FGD4: variants seen among roughly 807,000 people sequenced by gnomAD.
The protein encoded by FGD4 is FYVE, RhoGEF and PH domain containing 4, also known as FYVE, RhoGEF and PH domain-containing protein 4.
A neutral mutation model predicts 102.0 loss-of-function variants in FGD4; 42 were observed. The observed-to-expected ratio is 0.41, with a 90% CI of 0.32 to 0.53. The LOEUF is 0.53. FGD4 is among the 20% of genes least tolerant of loss of function. The pLI is 0.21. For missense variants in FGD4, 902 were observed against 1,078.2 expected (o/e 0.84, Z 2.29); for synonymous variants, 380 against 375.7 (o/e 1.01, Z -0.13).
Position 32,633,647 on chromosome 12 carries a change from A to T in FGD4, c.2271A>T (p.Gly757=). ...VCKDCYQIIS[G]FTDSEEKKRK... is the part of the protein sequence containing the mutation. ...AAGACTGTTATCAAATCATAAGTGG[A>T]TTCACAGACAGTGAAGAAAAGAAAA... is the stretch of plus-strand genomic sequence containing the variant. Residue 757 remains glycine, a synonymous_variant, in exon 15 of 17, where the codon GGA becomes GGT. Coordinates refer to ENST00000534526, the MANE Select transcript of FGD4 (RefSeq NM_001370298.3). 1.2e-6 allele frequency: 2 copies of T among 1,609,194 alleles called. No homozygotes were observed. Among genetic ancestry groups the T allele is most frequent in the East Asian group, 4.5e-5 (2 of 44,810 alleles).
chr12:32,624,553 A>ACT, intron 12 of FGD4, 101 bp downstream of exon 12: 2 of 1,002,336 alleles, frequency 2.0e-6, no homozygotes, highest in Non-Finnish European at 3.0e-6. Flanking sequence ...GTCTCACTGC[A>ACT]GCCTCTGTCT....
chr12:32,444,891 G>A (rs1942566882), intron 1 of FGD4, among the ~76,000 whole-genome samples: 1 of 152,280 alleles, frequency 6.6e-6, no homozygotes, highest in Non-Finnish European at 1.5e-5. Context: ...ACCAAATTGT[G>A]TAATGAATAT....
At chr12:32,498,964 G>A (rs1057097226) in intron 1 of FGD4, among the ~76,000 whole-genome samples, 2 of 152,158 alleles carry the variant, frequency 1.3e-5, no homozygotes, top group African/African-American at 2.4e-5. Flanking sequence ...CTCCTGCCCC[G>A]GGGCACTGTG....
chr12:32,409,265 T>C (rs1591843415), intron 1 of FGD4, among the ~76,000 whole-genome samples: 1 of 150,562 alleles, frequency 6.6e-6, no homozygotes, highest in African/African-American at 2.4e-5. Flanking sequence ...AACTCTTTCC[T>C]CCCCCCAGTA....
rs550710652 is a variant in FGD4 at position 32,469,666 on chromosome 12, G to GT, written c.166+69717dup. ...TAAACCAATTTTCTTTTTCTTCTTT[G>GT]TTTTTTTTTTGAGACGGAGTTTTGC... On this transcript the variant is annotated intron_variant, in intron 1 of 16. Coordinates refer to ENST00000534526, the MANE Select transcript of FGD4 (RefSeq NM_001370298.3). 1.9e-3 allele frequency among the ~76,000 whole-genome samples: 275 copies of GT among 141,144 alleles called. 3 individuals are homozygous for GT. The highest frequency in any genetic ancestry group is 4.6e-3 in the African/African-American group (178 of 38,340). The allele number at this position is 141,144 out of a possible 152,430, so 92.6% of individuals were successfully genotyped here. A position where few individuals can be genotyped will look rare whatever the true frequency, so the allele number is the denominator to read the frequency against.
In FGD4 at chr12:32,528,137, A is replaced by G. The variant is rs546800147; in HGVS notation, c.167-36000A>G. Among the ~76,000 whole-genome samples the G allele has an allele frequency of 7.8e-4, 119 of 152,018 alleles. 2 individuals carry two copies. Among genetic ancestry groups the G allele is most frequent in the African/African-American group, 2.6e-3 (109 of 41,488 alleles). ...TATTTTTAGTAGAGAGGGTTTCACC[A>G]TGTTGTCCAGCCTGGTCTCAAACTC... is the stretch of plus-strand genomic sequence containing the variant. On this transcript the variant is annotated intron_variant, in intron 1 of 16. Transcript: ENST00000534526.
intron 1 of FGD4, among the ~76,000 whole-genome samples, chr12:32,522,227 C>T (rs1292277602): frequency 6.6e-6 from 1 of 151,984 alleles, no homozygotes. Context: ...AAAAAAGAAA[C>T]TGCATGTGTA....
chr12:32,561,243 C>T (rs1944562305), intron 1 of FGD4, among the ~76,000 whole-genome samples: 1 of 151,746 alleles, frequency 6.6e-6, no homozygotes. Context: ...CCCACCACCA[C>T]ATCTGGCTAA....
intron 5 of FGD4, 145 bp downstream of exon 5, chr12:32,598,731 T>C (rs1948109507): frequency 1.5e-6 from 1 of 682,982 alleles, no homozygotes. Context: ...TCTCCAGCAC[T>C]TTGAGCTTTG....
chr12:32,613,137 C>A (rs1949247863), intron 10 of FGD4, among the ~76,000 whole-genome samples: 1 of 152,184 alleles, frequency 6.6e-6, no homozygotes, highest in African/African-American at 2.4e-5. Context: ...TGGTGACTGG[C>A]ATACAGTACG....
chr12:32,598,632 A>G, intron 5 of FGD4, 46 bp downstream of exon 5: 1 of 1,489,162 alleles, frequency 6.7e-7, no homozygotes, highest in Non-Finnish European at 9.4e-7. Context: ...GGCATTATAC[A>G]TCATTTTAAC....
At chr12:32,486,264 G>A (rs1040188766) in intron 1 of FGD4, 3 of 986,528 alleles carry the variant, frequency 3.0e-6, no homozygotes, top group East Asian at 5.9e-5. Context: ...TTACTGTTAA[G>A]TGATAATAAT....
intron 1 of FGD4, among the ~76,000 whole-genome samples, chr12:32,472,230 G>T: frequency 1.3e-5 from 2 of 152,100 alleles, no homozygotes; most frequent in African/African-American, 2.4e-5. Flanking sequence ...CACTGTGGGA[G>T]CCCCTTTCTG....
intron 10 of FGD4, among the ~76,000 whole-genome samples, chr12:32,611,751 T>A (rs1592402149): frequency 6.6e-6 from 1 of 152,254 alleles, no homozygotes; most frequent in Non-Finnish European, 1.5e-5. Flanking sequence ...CTAAGTAACG[T>A]ATTTTTCTGT....
At chr12:32,501,950 G>C (rs1938248443) in intron 1 of FGD4, 1 of 792,248 alleles carries the variant, frequency 1.3e-6, no homozygotes. Flanking sequence ...TAGTTGGGCT[G>C]CACTGGCTTG....
intron 1 of FGD4, among the ~76,000 whole-genome samples, chr12:32,545,369 C>G (rs1158093509): frequency 6.6e-6 from 1 of 152,168 alleles, no homozygotes; most frequent in Non-Finnish European, 1.5e-5. Context: ...GCTGGGGACA[C>G]AACCAAAACT....
intron 5 of FGD4, chr12:32,600,567 T>C: frequency 1.9e-6 from 1 of 525,866 alleles, no homozygotes; most frequent in Non-Finnish European, 2.5e-6. Flanking sequence ...TTGTTTTTTG[T>C]TTTTCTTTCT....
intron 1 of FGD4, among the ~76,000 whole-genome samples, chr12:32,510,429 C>T (rs1323036339): frequency 6.6e-6 from 1 of 152,054 alleles, no homozygotes; most frequent in African/African-American, 2.4e-5. Flanking sequence ...CTAGTAATAA[C>T]ACTAGTTATT....
chr12:32,498,053 C>T (rs1216151849), intron 1 of FGD4, among the ~76,000 whole-genome samples: 1 of 152,090 alleles, frequency 6.6e-6, no homozygotes, highest in Non-Finnish European at 1.5e-5. Context: ...AAATGGCTTG[C>T]CTGTGTCATA....
Sources: gnomAD v4.1 joint callset for allele counts (sites outside exome capture counted in the v4.1 genomes callset) on GRCh38, gnomAD v4.1.1 for gene constraint, MANE v1.5 for transcripts, NCBI Gene and HGNC (gene_info 2026-07-23, HGNC 2026-07-21) for gene names.